Variants in ULK4 observed in about 807,000 individuals in gnomAD.
ULK4 encodes unc-51 like kinase 4.
ULK4 carries 133 observed loss-of-function variants against 160.6 expected under a neutral mutation model. That is an observed-to-expected ratio of 0.83 (90% CI 0.72 to 0.96). The LOEUF is 0.96. Ranked by LOEUF, ULK4 falls within the 40% of genes least tolerant of loss-of-function variation. The probability of loss-of-function intolerance (pLI) is 0.00; values close to 1 mark genes in which losing one functional copy is unlikely to be tolerated. For missense variants in ULK4, 1,580 were observed against 1,499.5 expected (o/e 1.05, Z -0.89); for synonymous variants, 534 against 539.8 (o/e 0.99, Z 0.15).
chr3:41,458,723 G>GA (rs2083613067), intron 33 of ULK4, among the ~76,000 whole-genome samples: 1 of 152,134 alleles, frequency 6.6e-6, no homozygotes, highest in Non-Finnish European at 1.5e-5. Context: ...CATCTATAAA[G>GA]AACAAGAGAC....
chr3:41,569,404 C>A (rs1399609751), intron 31 of ULK4, among the ~76,000 whole-genome samples: 2 of 152,034 alleles, frequency 1.3e-5, no homozygotes, highest in Non-Finnish European at 1.5e-5. Flanking sequence ...AAAGACAGCA[C>A]CTGAAGACAG....
intron 21 of ULK4, among the ~76,000 whole-genome samples, chr3:41,763,228 G>T (rs976504613): frequency 6.6e-6 from 1 of 151,814 alleles, no homozygotes; most frequent in African/African-American, 2.4e-5. Flanking sequence ...CATAATAAAA[G>T]AATAAAAATA....
intron 32 of ULK4, among the ~76,000 whole-genome samples, chr3:41,524,790 T>C (rs188240481): frequency 6.1e-4 from 92 of 151,972 alleles, no homozygotes; most frequent in African/African-American, 1.8e-3. Flanking sequence ...ACAAAAAAAT[T>C]AGCCGGGTGT....
At chr3:41,318,249 GA>G (rs2080183504) in intron 35 of ULK4, among the ~76,000 whole-genome samples, 1 of 152,000 alleles carries the variant, frequency 6.6e-6, no homozygotes, top group Admixed American at 6.6e-5. Context: ...GAGTTAAGAA[GA>G]TTTTTTTTTA....
chr3:41,923,742 C>T (rs1615243), intron 5 of ULK4, among the ~76,000 whole-genome samples: 104,111 of 152,120 alleles, frequency 0.68, 39,180 homozygotes, highest in East Asian at 0.83. Context: ...CAATCAGGGA[C>T]CAGACCGTGG....
At chr3:41,829,902 T>C (rs1327863329) in intron 18 of ULK4, among the ~76,000 whole-genome samples, 1 of 150,894 alleles carries the variant, frequency 6.6e-6, no homozygotes, top group East Asian at 1.9e-4. Context: ...AACCCAGATG[T>C]CCAACAATGA....
chr3:41,459,430 C>A (rs780220738), intron 33 of ULK4, among the ~76,000 whole-genome samples: 2 of 152,056 alleles, frequency 1.3e-5, no homozygotes, highest in Admixed American at 6.6e-5. Flanking sequence ...GTCAATGGTG[C>A]GGCTCGGATC....
intron 35 of ULK4, among the ~76,000 whole-genome samples, chr3:41,389,899 G>A (rs528438011): frequency 1.3e-5 from 2 of 152,274 alleles, no homozygotes; most frequent in African/African-American, 4.8e-5. Flanking sequence ...AATGAGTTAG[G>A]AAGGATTCCC....
At chr3:41,859,053 G>A (rs2042437425) in intron 17 of ULK4, among the ~76,000 whole-genome samples, 1 of 152,156 alleles carries the variant, frequency 6.6e-6, no homozygotes, top group Admixed American at 6.5e-5. Context: ...CAAGGAGGCA[G>A]TAACATATCT....
At chr3:41,534,206 T>C (rs923233386) in intron 32 of ULK4, among the ~76,000 whole-genome samples, 15 of 152,196 alleles carry the variant, frequency 9.9e-5, no homozygotes, top group Admixed American at 5.2e-4. Context: ...AAAAACCTAA[T>C]AAGAAATGAG....
In ULK4 at chr3:41,941,349, A is replaced by AAAC. The variant is rs1196788426; in HGVS notation, c.139-3153_139-3152insGTT. On this transcript the variant is annotated intron_variant, in intron 2 of 36. Coordinates refer to ENST00000301831, the MANE Select transcript of ULK4 (RefSeq NM_017886.4). ...CACTGTGCCCAGCTTGAAAAAAAAA[A>AAAC]AAAAAACCTTTTTTTTTAAAGTCAC... Among the ~76,000 whole-genome samples the AAAC allele has an allele frequency of 4.6e-5, 7 of 150,904 alleles. 1 individual carries two copies. Among genetic ancestry groups the AAAC allele is most frequent in the Non-Finnish European group, 5.9e-5 (4 of 67,746 alleles).
Position 41,398,138 on chromosome 3 carries a change from G to A in ULK4, c.3619C>T (p.Leu1207=). 5 of 1,613,486 alleles carry A rather than the reference G, an allele frequency of 3.1e-6. No homozygotes were observed. The highest frequency in any genetic ancestry group is 4.2e-6 in the Non-Finnish European group (5 of 1,179,636). Residue 1207 remains leucine (L), a synonymous_variant, in exon 35 of 37, where the codon CTG becomes TTG. Coordinates refer to ENST00000301831, the MANE Select transcript of ULK4 (RefSeq NM_017886.4). ...PENVEIFAHL[L]TSKEDPKEQK... The stretch of plus-strand genomic sequence containing the variant: ...TCCTTTGGGTCCTCCTTGGATGTCA[G>A]TAAATGAGCAAAAATTTCCACATTT...
At chr3:41,640,943 A>G (rs776892873) in intron 30 of ULK4, among the ~76,000 whole-genome samples, 21 of 152,316 alleles carry the variant, frequency 1.4e-4, no homozygotes, top group Admixed American at 3.9e-4. Context: ...CCACGTCTTC[A>G]ATCTAAAGCT....
rs2041924082 is a variant in ULK4 at position 41,841,421 on chromosome 3, C to T, written c.1657-5450G>A. 2.0e-5 allele frequency among the ~76,000 whole-genome samples: 3 copies of T among 151,546 alleles called. 1 individual carries two copies. In the South Asian group the frequency reaches 6.2e-4, roughly 32 times the overall value. On this transcript the variant is annotated intron_variant, in intron 17 of 36. Transcript: ENST00000301831. ...GGAGGTAGAGAGCGCCTGTGCCCGG[C>T]CGCCCCGTCTGGGAAGTGGGCACCT...
At chr3:41,369,239 T>C (rs1037007515) in intron 35 of ULK4, among the ~76,000 whole-genome samples, 2 of 152,344 alleles carry the variant, frequency 1.3e-5, no homozygotes, top group Middle Eastern at 3.4e-3. Context: ...GGCCCCTGCC[T>C]GTACCAGCAC....
intron 35 of ULK4, among the ~76,000 whole-genome samples, chr3:41,364,205 T>C (rs1323503316): frequency 6.6e-6 from 1 of 152,234 alleles, no homozygotes; most frequent in Non-Finnish European, 1.5e-5. Context: ...CCCAAAGTGC[T>C]GGGATTATAG....
intron 32 of ULK4, among the ~76,000 whole-genome samples, chr3:41,522,934 C>T (rs193031563): frequency 1.2e-4 from 19 of 152,202 alleles, no homozygotes; most frequent in African/African-American, 4.3e-4. Context: ...TTTTTTGAGA[C>T]AGAGTCTTGC....
chr3:41,399,280 G>A (rs2125815904), intron 34 of ULK4, among the ~76,000 whole-genome samples: 1 of 152,252 alleles, frequency 6.6e-6, no homozygotes, highest in African/African-American at 2.4e-5. Context: ...TTCATGTGCT[G>A]ATTGGCCATT....
intron 30 of ULK4, among the ~76,000 whole-genome samples, chr3:41,636,200 A>G (rs1262785184): frequency 6.6e-6 from 1 of 152,158 alleles, no homozygotes; most frequent in East Asian, 1.9e-4. Context: ...TGTGCCTGTG[A>G]AGCACCCAAC....
Sources: allele counts gnomAD v4.1 joint callset (sites outside exome capture counted in the v4.1 genomes callset), GRCh38; gene constraint gnomAD v4.1.1; transcripts MANE v1.5; gene names NCBI Gene and HGNC (gene_info 2026-07-23, HGNC 2026-07-21).